Variants in ARID2 observed in about 807,000 individuals in gnomAD.
The protein encoded by ARID2 is AT-rich interaction domain 2, also known as AT-rich interactive domain-containing protein 2.
Under a neutral mutation model 184.6 loss-of-function variants are expected in ARID2, and 32 were observed. The ratio of observed to expected loss-of-function variants is 0.17; its 90% CI spans 0.13 to 0.23. The LOEUF (loss-of-function observed/expected upper bound fraction) is 0.23. Among genes scored for constraint, ARID2 ranks in the 10% least tolerant of loss-of-function variants. The pLI is 1.00. For missense variants in ARID2, 1,696 were observed against 2,197.6 expected, an observed-to-expected ratio of 0.77 and a Z score of 4.56; for synonymous variants, 836 against 772.6, an observed-to-expected ratio of 1.08 and a Z score of -1.36.
At chr12:45,780,232 G>T (rs1471131234) in intron 3 of ARID2, among the ~76,000 whole-genome samples, 3 of 152,172 alleles carry the variant, frequency 2.0e-5, no homozygotes, top group East Asian at 3.8e-4. Flanking sequence ...TTACACTGCA[G>T]TTAGGGATGA....
At chr12:45,865,558 T>C (rs1943818862) in intron 16 of ARID2, among the ~76,000 whole-genome samples, 1 of 152,148 alleles carries the variant, frequency 6.6e-6, no homozygotes, top group Non-Finnish European at 1.5e-5. Flanking sequence ...TCATTATTGC[T>C]TCAGGATCTG....
intron 6 of ARID2, among the ~76,000 whole-genome samples, chr12:45,825,812 T>C (rs567614786): frequency 6.6e-6 from 1 of 151,996 alleles, no homozygotes; most frequent in South Asian, 2.1e-4. Context: ...TGTAGTGAGC[T>C]ATGATTGTAC....
intron 6 of ARID2, among the ~76,000 whole-genome samples, chr12:45,829,703 A>G (rs1327052637): frequency 7.0e-6 from 1 of 142,884 alleles, no homozygotes; most frequent in Non-Finnish European, 1.5e-5. Context: ...ATTTTTGTCC[A>G]TGTTCCATTT....
At position 45,868,883 on chromosome 12, in the gene ARID2, C is replaced by T. The variant is rs117654324; in HGVS notation, c.4922+7934C>T. The stretch of plus-strand genomic sequence containing the variant: ...TGGCAGTTTGCCCCTGCTGATTCTT[C>T]GCAGTTTTTTATGATTTATTTGAGC... On this transcript the variant is annotated intron_variant, in intron 16 of 20. Transcript: ENST00000334344. 2.3e-4 allele frequency among the ~76,000 whole-genome samples: 35 copies of T among 152,242 alleles called. No individual in the cohort carries two copies. The East Asian group carries it at 3.5e-3, about 15-fold the overall frequency.
intron 3 of ARID2, among the ~76,000 whole-genome samples, chr12:45,737,368 T>TC (rs998962889): frequency 6.6e-6 from 1 of 151,994 alleles, no homozygotes; most frequent in African/African-American, 2.4e-5. Flanking sequence ...GCCCTTTTTT[T>TC]CCCCATTATA....
intron 18 of ARID2, 57 bp downstream of exon 18, chr12:45,892,153 C>T: frequency 2.0e-6 from 3 of 1,534,848 alleles, no homozygotes; most frequent in Admixed American, 2.0e-5. Flanking sequence ...AGGCAAAACA[C>T]AAGAAAATGA....
chr12:45,753,577 G>A (rs770214992), intron 3 of ARID2, among the ~76,000 whole-genome samples: 1 of 152,120 alleles, frequency 6.6e-6, no homozygotes, highest in Non-Finnish European at 1.5e-5. Context: ...TGCTGATCCT[G>A]TAATTGATCT....
At chr12:45,783,851 A>G (rs1368836356) in intron 3 of ARID2, among the ~76,000 whole-genome samples, 1 of 149,636 alleles carries the variant, frequency 6.7e-6, no homozygotes, top group Non-Finnish European at 1.5e-5. Context: ...TGTTTTAGCA[A>G]CACTAAACAA....
Position 45,850,674 on chromosome 12 carries a change from C to T in ARID2, c.2551C>T (p.Pro851Ser), listed in dbSNP as rs2138164105. Residue 851 changes from proline (P) to serine (S), a missense_variant, in exon 15 of 21, where the codon CCA becomes TCA. Coordinates refer to ENST00000334344, the MANE Select transcript of ARID2 (RefSeq NM_152641.4). ...ACAAGATACTGTTATCATAGCACCC[C>T]CACAGTATGTAACAACTTCTGCATC... Reference protein sequence around the residue: ...QSQDTVIIAPPQYVTTSASNI... With the variant: ...QSQDTVIIAPSQYVTTSASNI... 6.2e-7 allele frequency: 1 copy of T among 1,614,146 alleles called. No individual in the cohort carries two copies. The highest frequency in any genetic ancestry group is 8.5e-7 in the Non-Finnish European group (1 of 1,180,000).
intron 16 of ARID2, among the ~76,000 whole-genome samples, chr12:45,886,175 C>A (rs1006458613): frequency 1.3e-5 from 2 of 150,054 alleles, no homozygotes; most frequent in Non-Finnish European, 2.9e-5. Flanking sequence ...TATATATACC[C>A]ATTCCAAATG....
intron 16 of ARID2, chr12:45,880,818 G>A (rs1171316042): frequency 6.5e-6 from 1 of 154,312 alleles, no homozygotes; most frequent in Non-Finnish European, 1.4e-5. Context: ...CAAGCCTATC[G>A]AGATAGTGTC....
intron 6 of ARID2, among the ~76,000 whole-genome samples, chr12:45,825,440 A>G (rs775299084): frequency 3.1e-4 from 47 of 152,274 alleles, no homozygotes; most frequent in Non-Finnish European, 5.4e-4. Context: ...ATTTTAGGAA[A>G]TGGTAACTGT....
chr12:45,849,614 G>C lies in ARID2; in HGVS notation c.1750G>C (p.Glu584Gln), dbSNP rs2138156619. ...TCCAAATCATACAGTGAAGAGAGTG[G>C]AGGATTCCAGTAGCAATGGGCAGGC... ...VFPNHTVKRV[E>Q]DSSSNGQAHI... The change falls in exon 14 of 21, where the codon GAG becomes CAG. Residue 584 changes from glutamate to glutamine, a missense_variant. This residue lies in a region of ARID2 where 713 missense variants were observed against 824.4 expected (regional missense o/e 0.86). Coordinates refer to ENST00000334344, the MANE Select transcript of ARID2 (RefSeq NM_152641.4). 6.2e-7 allele frequency: 1 copy of C among 1,613,424 alleles called. No homozygotes were observed. The highest frequency in any genetic ancestry group is 8.5e-7 in the Non-Finnish European group (1 of 1,179,578).
At chr12:45,838,794 T>G (rs1014732289) in intron 10 of ARID2, among the ~76,000 whole-genome samples, 2 of 151,212 alleles carry the variant, frequency 1.3e-5, no homozygotes, top group African/African-American at 2.4e-5. Flanking sequence ...GATAGATAGA[T>G]ATAGATATAG....
At chr12:45,827,587 A>G (rs1196936317) in intron 6 of ARID2, among the ~76,000 whole-genome samples, 1 of 152,170 alleles carries the variant, frequency 6.6e-6, no homozygotes, top group Non-Finnish European at 1.5e-5. Context: ...GAAGAAAATA[A>G]AGCAAGACAA....
Position 45,848,658 on chromosome 12 carries a change from CTA to C in ARID2, c.1581-176_1581-175del, listed in dbSNP as rs570876530. Among the ~76,000 whole-genome samples the C allele has an allele frequency of 3.7e-3, 570 of 152,144 alleles. 4 individuals are homozygous for C. Among genetic ancestry groups the C allele is most frequent in the African/African-American group, 0.013 (540 of 41,534 alleles). On this transcript the variant is annotated intron_variant, in intron 12 of 20. Transcript: ENST00000334344. ...TTAATACTAAAATAAGCATGTTAAT[CTA>C]TTGATTTAATCTAAAATTTAGCATA...
chr12:45,735,888 A>G (rs976503513), intron 3 of ARID2, among the ~76,000 whole-genome samples: 2 of 152,242 alleles, frequency 1.3e-5, no homozygotes, highest in African/African-American at 4.8e-5. Flanking sequence ...AAATGAGAAC[A>G]TTATAATTCC....
chr12:45,836,342 TG>T (rs1346266810), intron 6 of ARID2, among the ~76,000 whole-genome samples: 3 of 152,194 alleles, frequency 2.0e-5, no homozygotes, highest in Non-Finnish European at 4.4e-5. Context: ...CCCAAGTAGC[TG>T]GGACTTCAGG....
chr12:45,837,574 C>A lies in ARID2; in HGVS notation c.1197C>A (p.Ser399=), dbSNP rs2138131834. The change falls in exon 10 of 21, where the codon TCC becomes TCA. Residue 399 remains serine, a synonymous_variant. Transcript: ENST00000334344. The part of the protein sequence containing the change: ...VLICEYVDQD[S]YREIICHLTL... ...TTTGTGAATATGTGGATCAGGATTC[C>A]TACAGAGAGATCATTTGTCATCTCA... 1 of 1,613,972 alleles carries A rather than the reference C, an allele frequency of 6.2e-7. No individual in the cohort carries two copies. The highest frequency in any genetic ancestry group is 8.5e-7 in the Non-Finnish European group (1 of 1,179,970).
Sources: gnomAD v4.1 joint callset for allele counts (sites outside exome capture counted in the v4.1 genomes callset) on GRCh38, gnomAD v4.1.1 for gene constraint, gnomAD v4.1.1 regional missense constraint, MANE v1.5 for transcripts, NCBI Gene and HGNC (gene_info 2026-07-23, HGNC 2026-07-21) for gene names.